NCAM2: variants seen among roughly 807,000 people sequenced by gnomAD.
The protein encoded by NCAM2 is N-CAM-2.
A neutral mutation model predicts 98.1 loss-of-function variants in NCAM2; 30 were observed. The ratio of observed to expected loss-of-function variants is 0.31; its 90% CI spans 0.23 to 0.41. The LOEUF is 0.41. NCAM2 is among the 10% of genes least tolerant of loss of function. The pLI, the probability that NCAM2 is intolerant of heterozygous loss-of-function variation, is 1.00. For missense variants in NCAM2, 867 were observed against 1,005.8 expected (o/e 0.86, Z 1.87); for synonymous variants, 368 against 342.4 (o/e 1.07, Z -0.83).
intron 5 of NCAM2, among the ~76,000 whole-genome samples, chr21:21,317,699 A>T (rs1031410677): frequency 1.3e-5 from 2 of 151,568 alleles, no homozygotes; most frequent in African/African-American, 2.4e-5. Context: ...TATCCTGCTA[A>T]TTTTTTCTAT....
At chr21:21,259,059 C>G (rs2071785661) in intron 1 of NCAM2, among the ~76,000 whole-genome samples, 1 of 152,132 alleles carries the variant, frequency 6.6e-6, no homozygotes, top group Non-Finnish European at 1.5e-5. Flanking sequence ...GGTTCTCCCC[C>G]TGAGGGTCGT....
chr21:21,199,213 C>A (rs2069120572), intron 1 of NCAM2, among the ~76,000 whole-genome samples: 2 of 152,106 alleles, frequency 1.3e-5, no homozygotes, highest in South Asian at 4.1e-4. Context: ...TTATTAATGT[C>A]TTTCATTGCA....
At chr21:21,078,222 G>T (rs1257062590) in intron 1 of NCAM2, among the ~76,000 whole-genome samples, 1 of 152,114 alleles carries the variant, frequency 6.6e-6, no homozygotes, top group Non-Finnish European at 1.5e-5. Context: ...AAAATATAGT[G>T]CATTCATGTA....
intron 5 of NCAM2, among the ~76,000 whole-genome samples, chr21:21,312,280 CTGT>C (rs1194261159): frequency 1.3e-5 from 2 of 151,406 alleles, no homozygotes; most frequent in African/African-American, 4.8e-5. Flanking sequence ...TTTCTTTAAA[CTGT>C]TAAGTTGGAT....
At chr21:21,252,472 A>T (rs1199181546) in intron 1 of NCAM2, among the ~76,000 whole-genome samples, 1 of 151,668 alleles carries the variant, frequency 6.6e-6, no homozygotes, top group Non-Finnish European at 1.5e-5. Context: ...AATCACCTTC[A>T]TTATATAAGA....
chr21:21,318,432 T>G (rs1195365920), intron 5 of NCAM2, among the ~76,000 whole-genome samples: 2 of 152,202 alleles, frequency 1.3e-5, no homozygotes, highest in Non-Finnish European at 2.9e-5. Context: ...TTCACTTAGA[T>G]TTTATTTAAT....
intron 9 of NCAM2, among the ~76,000 whole-genome samples, chr21:21,395,481 A>G (rs972570004): frequency 5.3e-5 from 8 of 152,324 alleles, no homozygotes; most frequent in African/African-American, 1.9e-4. Context: ...ATTCTCATCA[A>G]AATAACACCA....
At chr21:21,151,440 G>T (rs2067445840) in intron 1 of NCAM2, among the ~76,000 whole-genome samples, 1 of 152,002 alleles carries the variant, frequency 6.6e-6, no homozygotes. Flanking sequence ...GGTAAAGTTT[G>T]CTAATAGGCT....
At chr21:21,356,474 G>A (rs1004793310) in intron 8 of NCAM2, among the ~76,000 whole-genome samples, 15 of 151,994 alleles carry the variant, frequency 9.9e-5, no homozygotes, top group African/African-American at 3.6e-4. Flanking sequence ...TATAAAATGT[G>A]AAGATTACAT....
intron 1 of NCAM2, among the ~76,000 whole-genome samples, chr21:21,260,597 C>A (rs1259335375): frequency 6.6e-6 from 1 of 151,100 alleles, no homozygotes; most frequent in Admixed American, 6.6e-5. Context: ...AATTTTATTT[C>A]TTGCCAAACT....
intron 1 of NCAM2, among the ~76,000 whole-genome samples, chr21:21,148,259 CAT>C (rs1008810553): frequency 6.6e-6 from 1 of 152,196 alleles, no homozygotes; most frequent in Non-Finnish European, 1.5e-5. Flanking sequence ...TAAAATTAAT[CAT>C]CACAGAGGAT....
intron 1 of NCAM2, among the ~76,000 whole-genome samples, chr21:21,053,006 G>T (rs2065142227): frequency 6.6e-6 from 1 of 151,580 alleles, no homozygotes; most frequent in Non-Finnish European, 1.5e-5. Context: ...TATGCTTTAA[G>T]AGCATGTATA....
intron 1 of NCAM2, among the ~76,000 whole-genome samples, chr21:21,228,783 A>G (rs891268877): frequency 2.0e-5 from 3 of 151,414 alleles, no homozygotes; most frequent in African/African-American, 7.3e-5. Flanking sequence ...TGGCAGTTGG[A>G]TATTAGTCAT....
intron 1 of NCAM2, among the ~76,000 whole-genome samples, chr21:21,152,993 TC>T (rs1166721959): frequency 1.3e-5 from 2 of 151,958 alleles, no homozygotes; most frequent in African/African-American, 2.4e-5. Flanking sequence ...GGTAAGTGTC[TC>T]CAGGAAGAAA....
chr21:21,355,197 G>C (rs906927562), intron 8 of NCAM2, among the ~76,000 whole-genome samples: 1 of 152,020 alleles, frequency 6.6e-6, no homozygotes, highest in African/African-American at 2.4e-5. Context: ...ACTTTGGGAG[G>C]CTTAGGCACA....
intron 8 of NCAM2, among the ~76,000 whole-genome samples, chr21:21,351,379 A>G (rs569048259): frequency 1.7e-4 from 26 of 152,156 alleles, no homozygotes; most frequent in African/African-American, 6.0e-4. Context: ...TTTTCTTAAG[A>G]TGCACTTGTG....
chr21:21,177,332 T>A lies in NCAM2; in HGVS notation c.56-103246T>A, dbSNP rs1327891852. Among the ~76,000 whole-genome samples the A allele has an allele frequency of 1.3e-5, 2 of 150,460 alleles. 1 individual carries two copies. Among genetic ancestry groups the A allele is most frequent in the Non-Finnish European group, 3.0e-5 (2 of 67,674 alleles). Reference sequence around the variant, plus strand: ...TGTATTTGCTTAAAGATTTCACCCATCATATATCTCTGACTCAAAATCCAT... The same window carrying A: ...TGTATTTGCTTAAAGATTTCACCCAACATATATCTCTGACTCAAAATCCAT... On this transcript the variant is annotated intron_variant, in intron 1 of 17. Coordinates refer to ENST00000400546, the MANE Select transcript of NCAM2 (RefSeq NM_004540.5).
intron 11 of NCAM2, among the ~76,000 whole-genome samples, chr21:21,431,080 G>A (rs1441884089): frequency 1.4e-5 from 2 of 146,640 alleles, no homozygotes; most frequent in Non-Finnish European, 3.0e-5. Context: ...AATTCAAGGT[G>A]AGATTTGTGT....
chr21:21,435,473 A>AT (rs1259988116), intron 12 of NCAM2, among the ~76,000 whole-genome samples: 3 of 151,922 alleles, frequency 2.0e-5, no homozygotes, highest in East Asian at 3.9e-4. Flanking sequence ...TCATCAGTGG[A>AT]TTTTTTCCTC....
Sources: allele counts gnomAD v4.1 joint callset (sites outside exome capture counted in the v4.1 genomes callset), GRCh38; gene constraint gnomAD v4.1.1; transcripts MANE v1.5; gene names NCBI Gene and HGNC (gene_info 2026-07-23, HGNC 2026-07-21).